Variants in SCHIP1 observed in about 807,000 individuals in gnomAD.
The protein encoded by SCHIP1 is schwannomin-interacting protein 1.
In SCHIP1, 8 loss-of-function variants were observed where a neutral mutation model predicts 29.7. The ratio of observed to expected loss-of-function variants is 0.27; its 90% confidence interval spans 0.16 to 0.49. The LOEUF (loss-of-function observed/expected upper bound fraction) is 0.49. Among genes scored for constraint, SCHIP1 ranks in the 20% least tolerant of loss-of-function variants. The probability of loss-of-function intolerance (pLI) is 0.99; values close to 1 mark genes in which losing one functional copy is unlikely to be tolerated. For synonymous variants in SCHIP1, 76 were observed against 94.9 expected, an observed-to-expected ratio of 0.80 and a Z score of 1.16; for missense variants, 193 against 294.6, an observed-to-expected ratio of 0.66 and a Z score of 2.52.
the SCHIP1 span, among the ~76,000 whole-genome samples, chr3:159,650,583 A>C: frequency 6.6e-6 from 1 of 152,158 alleles, no homozygotes; most frequent in African/African-American, 2.4e-5. Flanking sequence ...CACTCCCCCC[A>C]TGAAGTCCAA....
At chr3:159,707,710 A>G in the SCHIP1 span, among the ~76,000 whole-genome samples, 7 of 152,292 alleles carry the variant, frequency 4.6e-5, no homozygotes, top group Middle Eastern at 3.4e-3. Context: ...ATTAAATATT[A>G]CTCTTGCCTA....
the SCHIP1 span, among the ~76,000 whole-genome samples, chr3:159,488,789 G>C: frequency 2.0e-5 from 3 of 152,342 alleles, no homozygotes; most frequent in African/African-American, 7.2e-5. Context: ...ACACTATGGA[G>C]AGGATAAATA....
the SCHIP1 span, among the ~76,000 whole-genome samples, chr3:159,486,785 G>A: frequency 1.3e-5 from 2 of 152,204 alleles, no homozygotes; most frequent in Non-Finnish European, 2.9e-5. Flanking sequence ...CATCTACCTG[G>A]TGTTTCTTTT....
the SCHIP1 span, among the ~76,000 whole-genome samples, chr3:159,800,605 C>T: frequency 6.6e-6 from 1 of 152,200 alleles, no homozygotes; most frequent in African/African-American, 2.4e-5. Flanking sequence ...TGATTCTCCA[C>T]ATGGGGCCTT....
the SCHIP1 span, among the ~76,000 whole-genome samples, chr3:159,466,732 G>T: frequency 6.6e-6 from 1 of 152,118 alleles, no homozygotes; most frequent in Non-Finnish European, 1.5e-5. Flanking sequence ...GGCTGACTGA[G>T]GAATAGGGTT....
At chr3:159,355,202 AC>A in the SCHIP1 span, among the ~76,000 whole-genome samples, 2 of 152,048 alleles carry the variant, frequency 1.3e-5, no homozygotes, top group African/African-American at 4.8e-5. Context: ...GCACACATGC[AC>A]ACACACATAC....
At chr3:159,755,867 T>TA in the SCHIP1 span, among the ~76,000 whole-genome samples, 1 of 152,234 alleles carries the variant, frequency 6.6e-6, no homozygotes, top group African/African-American at 2.4e-5. Context: ...AGTCAAATCT[T>TA]AAAGCTCCAA....
chr3:159,296,721 C>T, the SCHIP1 span, among the ~76,000 whole-genome samples: 13 of 151,584 alleles, frequency 8.6e-5, no homozygotes, highest in African/African-American at 2.7e-4. Flanking sequence ...TTCAGTGAGC[C>T]GAGATCGCAC....
the SCHIP1 span, chr3:159,401,484 C>T: frequency 6.1e-5 from 22 of 361,882 alleles, no homozygotes; most frequent in Admixed American, 5.2e-4. Context: ...TTATTTTACC[C>T]TAATACCAAC....
At chr3:159,888,751 CT>C (rs1717200101) in intron 4 of SCHIP1, 68 bp from the exon 6 acceptor site, 1 of 1,569,140 alleles carries the variant, frequency 6.4e-7, no homozygotes, top group Admixed American at 1.8e-5. Flanking sequence ...TAAGAGAAAA[CT>C]GGGTCTTAAC....
At chr3:159,283,905 G>A in the SCHIP1 span, among the ~76,000 whole-genome samples, 2 of 152,044 alleles carry the variant, frequency 1.3e-5, no homozygotes, top group Non-Finnish European at 1.5e-5. Context: ...CTTGCATTGT[G>A]GTATTGCTGT....
the SCHIP1 span, among the ~76,000 whole-genome samples, chr3:159,484,264 C>T: frequency 1.9e-4 from 29 of 152,062 alleles, no homozygotes; most frequent in African/African-American, 6.3e-4. Context: ...GAAAACGTTA[C>T]GATTTTATTG....
chr3:159,397,657 T>G, the SCHIP1 span, among the ~76,000 whole-genome samples: 1 of 152,218 alleles, frequency 6.6e-6, no homozygotes, highest in South Asian at 2.1e-4. Flanking sequence ...AGGGACCCAC[T>G]TGAGGAGGCA....
chr3:159,498,465 A>G, the SCHIP1 span, among the ~76,000 whole-genome samples: 1 of 152,216 alleles, frequency 6.6e-6, no homozygotes, highest in Admixed American at 6.5e-5. Context: ...GTCAAAGGAA[A>G]AGGAATAGAA....
At chr3:159,587,774 C>G in the SCHIP1 span, among the ~76,000 whole-genome samples, 1 of 152,152 alleles carries the variant, frequency 6.6e-6, no homozygotes, top group Admixed American at 6.5e-5. Context: ...CAGCTTCATC[C>G]ATGTCCCTAC....
chr3:159,804,874 C>T, the SCHIP1 span, among the ~76,000 whole-genome samples: 5 of 152,210 alleles, frequency 3.3e-5, no homozygotes, highest in East Asian at 7.7e-4. Context: ...GCTATCCTCC[C>T]ACACCTTCCG....
the SCHIP1 span, among the ~76,000 whole-genome samples, chr3:159,734,787 CTTTT>C: frequency 4.1e-4 from 45 of 110,484 alleles, no homozygotes; most frequent in African/African-American, 1.0e-3. Flanking sequence ...CTTTTCTTGT[CTTTT>C]TTTTTTTTTT....
At chr3:159,834,668 A>C in the SCHIP1 span, among the ~76,000 whole-genome samples, 1 of 152,300 alleles carries the variant, frequency 6.6e-6, no homozygotes, top group Admixed American at 6.5e-5. Context: ...CAAAGTCCCA[A>C]ATTTTTTGAG....
At chr3:159,649,143 G>T in the SCHIP1 span, among the ~76,000 whole-genome samples, 2 of 152,108 alleles carry the variant, frequency 1.3e-5, no homozygotes, top group Admixed American at 1.3e-4. Context: ...CATTTTGACA[G>T]GAGGTAATTT....
Sources: allele counts gnomAD v4.1 joint callset (sites outside exome capture counted in the v4.1 genomes callset), GRCh38; gene constraint gnomAD v4.1.1; transcripts MANE v1.5; gene names NCBI Gene and HGNC (gene_info 2026-07-23, HGNC 2026-07-21).